The following ARSG variants were observed in gnomAD, a reference collection of about 807,000 sequenced individuals.
The protein encoded by ARSG is arylsulfatase G.
In ARSG, 37 loss-of-function variants were observed where a neutral mutation model predicts 50.5. That is an observed-to-expected ratio of 0.73 (90% CI 0.56 to 0.96). ARSG has a LOEUF of 0.96. ARSG is among the 50% of genes least tolerant of loss of function. The probability of loss-of-function intolerance (pLI) is 0.00; values close to 1 mark genes in which losing one functional copy is unlikely to be tolerated. For synonymous variants in ARSG, 225 were observed against 254.6 expected (o/e 0.88, Z 1.11); for missense variants, 629 against 675.3 (o/e 0.93, Z 0.76).
At chr17:68,408,234 A>C (rs2081828967) in intron 11 of ARSG, among the ~76,000 whole-genome samples, 1 of 149,292 alleles carries the variant, frequency 6.7e-6, no homozygotes, top group African/African-American at 2.5e-5. Flanking sequence ...TTAACTCGTC[A>C]TCTAGCATTA....
At chr17:68,310,003 C>T (rs1175539486) in intron 2 of ARSG, among the ~76,000 whole-genome samples, 2 of 147,516 alleles carry the variant, frequency 1.4e-5, no homozygotes, top group Non-Finnish European at 1.5e-5. Flanking sequence ...GATGGAGTTC[C>T]GCTCTTGTTG....
the ARSG span, among the ~76,000 whole-genome samples, chr17:68,449,708 C>T: frequency 1.3e-5 from 2 of 152,222 alleles, no homozygotes; most frequent in African/African-American, 4.8e-5. Flanking sequence ...GAGCCCTCCC[C>T]AGAAGCAGAT....
chr17:68,284,185 GAGGTCAGGAGT>G (rs2075789723), intron 1 of ARSG, among the ~76,000 whole-genome samples: 1 of 150,244 alleles, frequency 6.7e-6, no homozygotes, highest in Non-Finnish European at 1.5e-5. Context: ...TGGATCACTT[GAGGTCAGGAGT>G]TTGAGACCAG....
intron 1 of ARSG, among the ~76,000 whole-genome samples, chr17:68,300,829 G>GTGTC (rs1427335033): frequency 2.0e-5 from 3 of 151,642 alleles, no homozygotes; most frequent in African/African-American, 7.3e-5. Context: ...GCCCGAAACA[G>GTGTC]TGTCTGGTGT....
the ARSG span, among the ~76,000 whole-genome samples, chr17:68,441,572 T>C: frequency 6.6e-6 from 1 of 152,162 alleles, no homozygotes; most frequent in African/African-American, 2.4e-5. Context: ...GGCGGAGTCC[T>C]CTGAAGGTTC....
rs188880451 is a variant in ARSG, at chr17:68,330,830, T to C, written c.219-12774T>C. Reference sequence around the variant, plus strand: ...TGGAGGGCTAGCTTTAGGGGCACTGTGGCCTGGGCAGTTGCACACTTAGAC... The same window carrying C: ...TGGAGGGCTAGCTTTAGGGGCACTGCGGCCTGGGCAGTTGCACACTTAGAC... On this transcript the variant is annotated intron_variant, in intron 2 of 11. Transcript: ENST00000621439. Among the ~76,000 whole-genome samples, 214 of 152,316 alleles carry C rather than the reference T, an allele frequency of 1.4e-3. 1 individual carries two copies. Among genetic ancestry groups the C allele is most frequent in the African/African-American group, 4.6e-3 (190 of 41,574 alleles).
chr17:68,351,051 G>T (rs1328793248), intron 4 of ARSG, among the ~76,000 whole-genome samples: 1 of 152,114 alleles, frequency 6.6e-6, no homozygotes, highest in African/African-American at 2.4e-5. Context: ...TCTATCGGGG[G>T]TAACTTCCTG....
intron 3 of ARSG, chr17:68,346,661 G>C: frequency 8.7e-7 from 1 of 1,143,250 alleles, no homozygotes; most frequent in Non-Finnish European, 1.1e-6. Flanking sequence ...CTTGAACTGC[G>C]GGCTGCTGAT....
rs35105754 is a variant in ARSG at position 68,388,922 on chromosome 17, C to CAAAAAAAA, written c.1091+3766_1091+3773dup. On this transcript the variant is annotated intron_variant, in intron 9 of 11. Coordinates refer to ENST00000621439, the MANE Select transcript of ARSG (RefSeq NM_001267727.2). ...CCTGGGCGACAGTGAGACTCTGTCTCAAAAAAAAAAAAAAAAAAAAAAAGA... is the reference window on the plus strand; with the variant it reads ...CCTGGGCGACAGTGAGACTCTGTCTCAAAAAAAAAAAAAAAAAAAAAAAAAAAAAAAGA... 1.5e-4 allele frequency among the ~76,000 whole-genome samples: 16 copies of CAAAAAAAA among 108,008 alleles called. 1 individual carries two copies. Among genetic ancestry groups the CAAAAAAAA allele is most frequent in the Middle Eastern group, 4.5e-3 (1 of 220 alleles). 70.9% of individuals were successfully genotyped at this position (108,008 alleles called of 152,430 possible).
chr17:68,344,405 A>G (rs1436079185), intron 3 of ARSG, among the ~76,000 whole-genome samples: 1 of 152,238 alleles, frequency 6.6e-6, no homozygotes, highest in Non-Finnish European at 1.5e-5. Flanking sequence ...GGACATGGGC[A>G]TTGCTGGGAG....
At position 68,294,818 on chromosome 17, in the gene ARSG, A is replaced by G. The variant is rs2076148983; in HGVS notation, c.-552+3250A>G. Among the ~76,000 whole-genome samples, 4 of 152,154 alleles carry G rather than the reference A, an allele frequency of 2.6e-5. No homozygotes were observed. The South Asian group carries it at 8.3e-4, about 32-fold the overall frequency. On this transcript the variant is annotated intron_variant, in intron 1 of 11. Coordinates refer to ENST00000621439, the MANE Select transcript of ARSG (RefSeq NM_001267727.2). ...TGGTACAGGTAGTTCTGCTAGGTTT[A>G]TTTTGTGATTTGGGTTCCTCCCCCG...
chr17:68,351,950 C>T lies in ARSG; in HGVS notation c.566+264C>T, dbSNP rs377507305. ...CTCAGCTAGGGAGAGGCTTGTGCTG[C>T]TAGGGTCTCACACATGTGGGGCCTC... is the stretch of plus-strand genomic sequence containing the variant. On this transcript the variant is annotated intron_variant, in intron 5 of 11. Coordinates refer to ENST00000621439, the MANE Select transcript of ARSG (RefSeq NM_001267727.2). 1.5e-4 allele frequency among the ~76,000 whole-genome samples: 23 copies of T among 152,186 alleles called. 1 individual carries two copies. In the East Asian group the frequency reaches 2.3e-3, roughly 15 times the overall value.
intron 11 of ARSG, among the ~76,000 whole-genome samples, chr17:68,405,289 C>T (rs1184444634): frequency 6.6e-6 from 1 of 152,064 alleles, no homozygotes; most frequent in East Asian, 1.9e-4. Flanking sequence ...GTAGTATTGA[C>T]ATTTTAACAA....
intron 1 of ARSG, among the ~76,000 whole-genome samples, chr17:68,283,878 C>CA (rs58291216): frequency 0.017 from 931 of 55,344 alleles, 35 homozygotes; most frequent in African/African-American, 0.026. Flanking sequence ...AACTCCGTCT[C>CA]AAAAAAAAAA....
intron 6 of ARSG, 78 bp from the exon 7 acceptor site, chr17:68,368,470 G>C (rs2079655858): frequency 1.7e-5 from 23 of 1,367,506 alleles, no homozygotes; most frequent in Non-Finnish European, 2.4e-5. Flanking sequence ...TTTTCCTGGA[G>C]GAGAGGGAGG....
Position 68,387,056 on chromosome 17 carries a change from G to A in ARSG, c.1091+1884G>A, listed in dbSNP as rs540220357. Among the ~76,000 whole-genome samples, 6 of 148,912 alleles carry A rather than the reference G, an allele frequency of 4.0e-5. 1 individual carries two copies. Among genetic ancestry groups the A allele is most frequent in the South Asian group, 2.2e-4 (1 of 4,576 alleles). ...AGTAGCAAAAACTGCAATGACTTTC[G>A]CACCAACCTAATATATAGTGTATCA... On this transcript the variant is annotated intron_variant, in intron 9 of 11. Coordinates refer to ENST00000621439, the MANE Select transcript of ARSG (RefSeq NM_001267727.2).
chr17:68,372,735 A>G (rs907224541), intron 8 of ARSG, among the ~76,000 whole-genome samples: 43 of 152,124 alleles, frequency 2.8e-4, no homozygotes, highest in African/African-American at 1.0e-3. Context: ...TGTCAAACTC[A>G]ATCCTGACCT....
At chr17:68,289,144 G>C (rs1194190632), upstream of ARSG, among the ~76,000 whole-genome samples, 6 of 152,112 alleles carry the variant, frequency 3.9e-5, no homozygotes, top group African/African-American at 9.7e-5. Flanking sequence ...CCAGGAGTTT[G>C]AGACCAACCC....
At chr17:68,385,508 G>A (rs184866308) in intron 9 of ARSG, among the ~76,000 whole-genome samples, 16 of 138,408 alleles carry the variant, frequency 1.2e-4, no homozygotes, top group Admixed American at 1.1e-3. Flanking sequence ...AAAAAGAAGG[G>A]AAGGGAAGAG....
Sources: gnomAD v4.1 joint callset for allele counts (sites outside exome capture counted in the v4.1 genomes callset) on GRCh38, gnomAD v4.1.1 for gene constraint, MANE v1.5 for transcripts, NCBI Gene and HGNC (gene_info 2026-07-23, HGNC 2026-07-21) for gene names.